CLMN: variants seen among roughly 807,000 people sequenced by gnomAD.
CLMN encodes the protein calmin.
Under a neutral mutation model 92.7 loss-of-function variants are expected in CLMN, and 57 were observed. The observed-to-expected ratio is 0.61, with a 90% CI of 0.50 to 0.77. CLMN has a LOEUF of 0.77. CLMN is among the 30% of genes least tolerant of loss of function. The pLI, the probability that CLMN is intolerant of heterozygous loss-of-function variation, is 0.00. For missense variants in CLMN, 1,158 were observed against 1,237.5 expected (o/e 0.94, Z 0.96); for synonymous variants, 466 against 470.6 (o/e 0.99, Z 0.13).
rs181160235 is a variant in CLMN at position 95,225,632 on chromosome 14, C to T, written c.145-1777G>A. On this transcript the variant is annotated intron_variant, in intron 2 of 12. Transcript: ENST00000298912. ...CAGCTGGCGGCCCCTTTGTAGTGAA[C>T]GGCTCTTGAAACACCTTCTCTCTGC... 1.6e-3 allele frequency among the ~76,000 whole-genome samples: 246 copies of T among 152,332 alleles called. 1 individual carries two copies. The highest frequency in any genetic ancestry group is 5.4e-3 in the African/African-American group (224 of 41,582).
chr14:95,198,042 C>CTTTTTTTTTTTT (rs1019598103), intron 9 of CLMN, among the ~76,000 whole-genome samples: 519 of 69,762 alleles, frequency 7.4e-3, no homozygotes, highest in Non-Finnish European at 9.3e-3. Flanking sequence ...TTTTTTCTTT[C>CTTTTTTTTTTTT]TTTTTTTTTT....
intron 4 of CLMN, among the ~76,000 whole-genome samples, chr14:95,215,943 C>T (rs1368485687): frequency 6.6e-6 from 1 of 152,026 alleles, no homozygotes; most frequent in East Asian, 1.9e-4. Context: ...AACACATACA[C>T]AGCACTTACC....
At chr14:95,201,825 C>T (rs553995961) in intron 9 of CLMN, among the ~76,000 whole-genome samples, 25 of 151,808 alleles carry the variant, frequency 1.6e-4, no homozygotes, top group African/African-American at 5.1e-4. Context: ...TGAGGACAAG[C>T]GGTGTTTGGT....
intron 1 of CLMN, among the ~76,000 whole-genome samples, chr14:95,245,194 A>ATT (rs1491250953): frequency 3.1e-4 from 11 of 35,494 alleles, no homozygotes; most frequent in East Asian, 2.7e-3. Context: ...ATATATATAT[A>ATT]ATATATATAT....
chr14:95,257,839 A>T (rs1042957146), intron 1 of CLMN, among the ~76,000 whole-genome samples: 14 of 152,256 alleles, frequency 9.2e-5, no homozygotes, highest in Non-Finnish European at 1.3e-4. Flanking sequence ...ATTTGGACTC[A>T]GGACTGAAGC....
At chr14:95,195,143 C>T (rs1481464645) in intron 10 of CLMN, among the ~76,000 whole-genome samples, 1 of 152,266 alleles carries the variant, frequency 6.6e-6, no homozygotes, top group Non-Finnish European at 1.5e-5. Flanking sequence ...CTTTCTCCCT[C>T]TCCTGAAGTC....
At position 95,182,088 on chromosome 14, in the gene CLMN, C is replaced by T. The variant is rs1896340094; in HGVS notation, c.*9476G>A. The T allele has an allele frequency of 6.6e-6, 1 of 152,104 alleles. No individual in the cohort carries two copies. The highest frequency in any genetic ancestry group is 6.5e-5 in the Admixed American group (1 of 15,272). 9.4% of individuals were successfully genotyped at this position (152,104 alleles called of 1,614,324 possible). A position where few individuals can be genotyped will look rare whatever the true frequency, so the allele number is the denominator to read the frequency against. Reference sequence around the variant, plus strand: ...TTAATTCCCACAGGTATAAATTATTCAAATAGCCATTTATATCTTAATTTA... The same window carrying T: ...TTAATTCCCACAGGTATAAATTATTTAAATAGCCATTTATATCTTAATTTA... On this transcript the variant is annotated 3_prime_UTR_variant, in exon 13 of 13. Coordinates refer to ENST00000298912, the MANE Select transcript of CLMN (RefSeq NM_024734.4).
rs531807887 is a variant in CLMN, at chr14:95,291,342, C to A, written c.82+28369G>T. On this transcript the variant is annotated intron_variant, in intron 1 of 12. Coordinates refer to ENST00000298912, the MANE Select transcript of CLMN (RefSeq NM_024734.4). ...GGCCTGTAAACAGATTTATCCCGCCCACATGGAGCCGCATCCCTGCAGCTC... is the reference window on the plus strand; with the variant it reads ...GGCCTGTAAACAGATTTATCCCGCCAACATGGAGCCGCATCCCTGCAGCTC... 1.1e-4 allele frequency among the ~76,000 whole-genome samples: 16 copies of A among 152,280 alleles called. No individual in the cohort carries two copies. The East Asian group carries it at 3.1e-3, about 29-fold the overall frequency.
At chr14:95,274,804 C>A (rs148729170) in intron 1 of CLMN, among the ~76,000 whole-genome samples, 649 of 152,220 alleles carry the variant, frequency 4.3e-3, no homozygotes, top group African/African-American at 0.015. Context: ...CAAGGTGAAA[C>A]CCTGTCTCTA....
chr14:95,224,190 C>T (rs912378852), intron 2 of CLMN, among the ~76,000 whole-genome samples: 6 of 152,256 alleles, frequency 3.9e-5, no homozygotes, highest in Non-Finnish European at 7.3e-5. Context: ...AATGGCATAT[C>T]TTGACTACAT....
At chr14:95,211,438 C>A (rs1466949201) in intron 6 of CLMN, among the ~76,000 whole-genome samples, 1 of 152,130 alleles carries the variant, frequency 6.6e-6, no homozygotes, top group African/African-American at 2.4e-5. Flanking sequence ...TCACTAATGA[C>A]AGCTACTATT....
intron 6 of CLMN, 129 bp downstream of exon 6, chr14:95,213,090 G>T: frequency 9.5e-7 from 1 of 1,052,262 alleles, no homozygotes; most frequent in Non-Finnish European, 1.4e-6. Context: ...CCTGCCCCCT[G>T]TTCTGATATT....
intron 9 of CLMN, 100 bp from the exon 10 acceptor site, chr14:95,196,794 T>A: frequency 8.9e-7 from 1 of 1,123,228 alleles, no homozygotes; most frequent in Non-Finnish European, 1.3e-6. Context: ...AGCCAGGGCG[T>A]CCCTTCCAAT....
At position 95,197,405 on chromosome 14, in the gene CLMN, AAAAGAAAG is replaced by A. The variant is rs200591725; in HGVS notation, c.2512-719_2512-712del. Among the ~76,000 whole-genome samples the A allele has an allele frequency of 6.9e-4, 105 of 151,922 alleles. 5 individuals are homozygous for A. The South Asian group carries it at 0.019, about 27-fold the overall frequency. On this transcript the variant is annotated intron_variant, in intron 9 of 12. Transcript: ENST00000298912. ...GATAGAGAGAGAAAGAAAAAAGAAA[AAAAGAAAG>A]AAAGAAAGAAAGAGGAGGAAGAGAA...
chr14:95,241,078 T>TA (rs1297781290), intron 1 of CLMN, among the ~76,000 whole-genome samples: 69 of 147,972 alleles, frequency 4.7e-4, no homozygotes, highest in East Asian at 3.7e-3. Context: ...TTCAGTTATT[T>TA]AAAAAAAAAA....
intron 1 of CLMN, among the ~76,000 whole-genome samples, chr14:95,267,178 G>T (rs890228300): frequency 2.0e-5 from 3 of 152,130 alleles, no homozygotes; most frequent in Non-Finnish European, 2.9e-5. Context: ...AGACAATTGG[G>T]ATCACATCAA....
chr14:95,271,749 A>C (rs1480267283), intron 1 of CLMN, among the ~76,000 whole-genome samples: 2 of 152,170 alleles, frequency 1.3e-5, no homozygotes, highest in Non-Finnish European at 2.9e-5. Flanking sequence ...CATAACTACC[A>C]CTCAGATCAA....
chr14:95,292,826 C>T (rs553717790), intron 1 of CLMN, among the ~76,000 whole-genome samples: 211 of 152,244 alleles, frequency 1.4e-3, no homozygotes, highest in Non-Finnish European at 2.0e-3. Context: ...GCTCCAAAAG[C>T]GCAGGCCTGT....
intron 1 of CLMN, among the ~76,000 whole-genome samples, chr14:95,248,867 A>G (rs1356297538): frequency 1.3e-5 from 2 of 152,192 alleles, no homozygotes; most frequent in African/African-American, 4.8e-5. Flanking sequence ...ATAAGTATAT[A>G]TTTGATAAAA....
Sources: gnomAD v4.1 joint callset for allele counts (sites outside exome capture counted in the v4.1 genomes callset) on GRCh38, gnomAD v4.1.1 for gene constraint, MANE v1.5 for transcripts, NCBI Gene and HGNC (gene_info 2026-07-23, HGNC 2026-07-21) for gene names.